USP31: variants seen among roughly 807,000 people sequenced by gnomAD.
USP31 encodes ubiquitin carboxyl-terminal hydrolase 31.
USP31 carries 44 observed loss-of-function variants against 119.4 expected under a neutral mutation model. That is an observed-to-expected ratio of 0.37 (90% confidence interval 0.29 to 0.47). The LOEUF is 0.47. USP31 is among the 20% of genes least tolerant of loss of function. The pLI is 0.99. For missense variants in USP31, 1,643 were observed against 1,730.2 expected, an observed-to-expected ratio of 0.95 and a Z score of 0.89; for synonymous variants, 749 against 705.6, an observed-to-expected ratio of 1.06 and a Z score of -0.97.
chr16:23,149,095 C>T lies in USP31; in HGVS notation c.176G>A (p.Arg59His). Reference protein sequence around the residue: ...PSSPSSPSSARSVGSFMSRVL... With the variant: ...PSSPSSPSSAHSVGSFMSRVL... ...GCGGCTCATGAAGCTGCCCACCGAG[C>T]GTGCAGAGGAGGGCGAGGAGGGCGA... Residue 59 changes from arginine (R) to histidine (H), a missense_variant, in exon 1 of 16, where the codon CGC becomes CAC. Around this residue, in one of 5 missense-constraint regions of USP31, gnomAD observed 302 missense variants for 262.6 expected, o/e 1.15. Transcript: ENST00000219689. 7.9e-7 allele frequency: 1 copy of T among 1,272,034 alleles called. No homozygotes were observed. The highest frequency in any genetic ancestry group is 2.0e-5 in the South Asian group (1 of 50,946). The allele number at this position is 1,272,034 out of a possible 1,614,324, so 78.8% of individuals were successfully genotyped here.
At chr16:23,103,208 A>G (rs1305847909) in intron 5 of USP31, among the ~76,000 whole-genome samples, 1 of 152,218 alleles carries the variant, frequency 6.6e-6, no homozygotes, top group Non-Finnish European at 1.5e-5. Context: ...ATTCAGCCTC[A>G]TGTCAAGGAC....
chr16:23,092,571 T>C (rs561777907), intron 6 of USP31, among the ~76,000 whole-genome samples: 1 of 151,858 alleles, frequency 6.6e-6, no homozygotes, highest in East Asian at 1.9e-4. Context: ...GTAAAGGGAG[T>C]GAGGAAAGGC....
At chr16:23,119,655 T>C (rs1902604424) in intron 1 of USP31, among the ~76,000 whole-genome samples, 1 of 152,244 alleles carries the variant, frequency 6.6e-6, no homozygotes, top group South Asian at 2.1e-4. Context: ...TTTTGTTTTG[T>C]TGCAATTTGT....
intron 1 of USP31, among the ~76,000 whole-genome samples, chr16:23,118,204 A>G (rs1902559236): frequency 6.6e-6 from 1 of 152,228 alleles, no homozygotes. Flanking sequence ...CTTTAATGAG[A>G]TCATAAAAGC....
intron 7 of USP31, among the ~76,000 whole-genome samples, chr16:23,088,172 G>A (rs1351869828): frequency 6.6e-6 from 1 of 152,126 alleles, no homozygotes; most frequent in Non-Finnish European, 1.5e-5. Flanking sequence ...GAACTCATAA[G>A]AGGTTGGGTG....
chr16:23,129,708 TA>T (rs1902968179), intron 1 of USP31, among the ~76,000 whole-genome samples: 1 of 152,212 alleles, frequency 6.6e-6, no homozygotes, highest in Admixed American at 6.5e-5. Flanking sequence ...TACTATTATT[TA>T]AACATAACTA....
At position 23,141,958 on chromosome 16, in the gene USP31, T is replaced by TAG. The variant is rs1555470217; in HGVS notation, c.633+6679_633+6680insCT. Among the ~76,000 whole-genome samples, 1,407 of 152,356 alleles carry TAG rather than the reference T, an allele frequency of 9.2e-3. 17 individuals are homozygous for TAG. The highest frequency in any genetic ancestry group is 0.029 in the African/African-American group (1,220 of 41,582). On this transcript the variant is annotated intron_variant, in intron 1 of 15. Transcript: ENST00000219689. The stretch of plus-strand genomic sequence containing the variant: ...TTCATACACAATGATCTCACCTCTC[T>TAG]CTCAGCTCCCAGTGAACTTTCCTCA...
Position 23,136,799 on chromosome 16 carries a change from A to G in USP31, c.633+11839T>C, listed in dbSNP as rs955328116. ...GAACTCTTAACAATTCATCACCACC[A>G]CTAACAAAAAACTAATTCAAAAATT... On this transcript the variant is annotated intron_variant, in intron 1 of 15. Transcript: ENST00000219689. Among the ~76,000 whole-genome samples, 4 of 152,230 alleles carry G rather than the reference A, an allele frequency of 2.6e-5. 1 individual carries two copies. The highest frequency in any genetic ancestry group is 2.0e-4 in the Admixed American group (3 of 15,280).
chr16:23,121,637 A>G (rs777865968), intron 1 of USP31, among the ~76,000 whole-genome samples: 7 of 152,254 alleles, frequency 4.6e-5, no homozygotes, highest in Non-Finnish European at 8.8e-5. Context: ...TAGTAACTTC[A>G]AAGAATAGAT....
At chr16:23,127,112 T>C (rs1439072310) in intron 1 of USP31, among the ~76,000 whole-genome samples, 7 of 152,024 alleles carry the variant, frequency 4.6e-5, no homozygotes. Flanking sequence ...TAGGAACCAA[T>C]CTATCAAAAT....
In USP31 at chr16:23,067,059, G is replaced by A. The variant is rs1211154686; in HGVS notation, c.*987C>T. On this transcript the variant is annotated 3_prime_UTR_variant, in exon 16 of 16. Transcript: ENST00000219689. ...CATGAGCCCACAGACACAGGGCATC[G>A]TGGAGCTTCCCACCTCTAACGGAAA... The A allele has an allele frequency of 2.6e-5, 4 of 152,216 alleles. No individual in the cohort carries two copies. The highest frequency in any genetic ancestry group is 1.3e-4 in the Admixed American group (2 of 15,280). The allele number at this position is 152,216 out of a possible 1,614,324, so 9.4% of individuals were successfully genotyped here.
chr16:23,107,393 G>C (rs549075684), intron 2 of USP31, among the ~76,000 whole-genome samples: 35 of 152,294 alleles, frequency 2.3e-4, no homozygotes, highest in African/African-American at 8.2e-4. Context: ...TGACAGAATA[G>C]AGTGTTCAGG....
intron 13 of USP31, among the ~76,000 whole-genome samples, chr16:23,075,601 T>G (rs1024462461): frequency 4.6e-5 from 7 of 152,202 alleles, no homozygotes; most frequent in African/African-American, 1.7e-4. Context: ...AATCTGATAC[T>G]GCCGTGATAT....
At chr16:23,128,632 A>G (rs1336402335) in intron 1 of USP31, among the ~76,000 whole-genome samples, 2 of 152,250 alleles carry the variant, frequency 1.3e-5, no homozygotes, top group African/African-American at 2.4e-5. Flanking sequence ...CCAGCTAACA[A>G]GTAAAAAAGG....
intron 11 of USP31, among the ~76,000 whole-genome samples, chr16:23,083,701 G>C (rs868089430): frequency 6.7e-5 from 8 of 119,166 alleles, no homozygotes; most frequent in Admixed American, 9.1e-5. Context: ...CTGGCGGGGG[G>C]GGGGGGGGGG....
chr16:23,124,481 T>A (rs1902782093), intron 1 of USP31, among the ~76,000 whole-genome samples: 1 of 152,236 alleles, frequency 6.6e-6, no homozygotes, highest in Non-Finnish European at 1.5e-5. Flanking sequence ...TGTATCATAC[T>A]GAGAAGTGAG....
chr16:23,106,117 C>G lies in USP31; in HGVS notation c.953+96G>C. On this transcript the variant is annotated intron_variant, in intron 4 of 15. Transcript: ENST00000219689. The stretch of plus-strand genomic sequence containing the variant: ...TTCAATCCCATTATTAATCCCATTA[C>G]CTGTCTAAATAAGTAAGAAGACCTA... 2.3e-6 allele frequency: 3 copies of G among 1,292,436 alleles called. No individual in the cohort carries two copies. The South Asian group carries it at 3.9e-5, about 17-fold the overall frequency. The allele number at this position is 1,292,436 out of a possible 1,614,324, so 80.1% of individuals were successfully genotyped here.
At chr16:23,142,689 C>A (rs1399474894) in intron 1 of USP31, among the ~76,000 whole-genome samples, 3 of 152,188 alleles carry the variant, frequency 2.0e-5, no homozygotes, top group African/African-American at 7.2e-5. Context: ...AGTCTGCTTC[C>A]AAGTCTAAAA....
At position 23,085,641 on chromosome 16, in the gene USP31, T is replaced by C. The variant is rs1206215792; in HGVS notation, c.1644A>G (p.Pro548=). The C allele has an allele frequency of 1.9e-6, 3 of 1,614,036 alleles. No individual in the cohort carries two copies. Among genetic ancestry groups the C allele is most frequent in the Non-Finnish European group, 2.5e-6 (3 of 1,179,954 alleles). ...IVERALKSCG[P]GGTAHVKLVV... ...CTAATTTCACATGAGCAGTGCCACC[T>C]GGTCCACAAGATTTTAATGCCCTAT... The change falls in exon 10 of 16, where the codon CCA becomes CCG. Residue 548 remains proline (P), a synonymous_variant. Transcript: ENST00000219689.
Sources: allele counts gnomAD v4.1 joint callset (sites outside exome capture counted in the v4.1 genomes callset), GRCh38; gene constraint gnomAD v4.1.1; regional missense constraint gnomAD v4.1.1; transcripts MANE v1.5; gene names NCBI Gene and HGNC (gene_info 2026-07-23, HGNC 2026-07-21).